DIAPH3: variants seen among roughly 807,000 people sequenced by gnomAD.
DIAPH3 encodes the protein protein diaphanous homolog 3.
In DIAPH3, 117 loss-of-function variants were observed where a neutral mutation model predicts 144.3. The observed-to-expected ratio is 0.81, with a 90% confidence interval of 0.70 to 0.95. DIAPH3 has a LOEUF of 0.95. DIAPH3 is among the 40% of genes least tolerant of loss of function. DIAPH3 has a pLI of 0.00. For missense variants in DIAPH3, 1,421 were observed against 1,412.7 expected, an observed-to-expected ratio of 1.01 and a Z score of -0.09; for synonymous variants, 519 against 488.9, an observed-to-expected ratio of 1.06 and a Z score of -0.81.
intron 25 of DIAPH3, among the ~76,000 whole-genome samples, chr13:59,805,696 G>A (rs1593495770): frequency 6.6e-6 from 1 of 151,820 alleles, no homozygotes; most frequent in South Asian, 2.1e-4. Flanking sequence ...AAAAAAAAAT[G>A]AGAAAACAAA....
At chr13:60,151,926 A>G (rs1231386127) in intron 1 of DIAPH3, among the ~76,000 whole-genome samples, 1 of 152,194 alleles carries the variant, frequency 6.6e-6, no homozygotes, top group East Asian at 1.9e-4. Flanking sequence ...AAAGAATTGT[A>G]ATTGTCATTA....
chr13:59,877,851 G>C (rs569758189), intron 21 of DIAPH3, among the ~76,000 whole-genome samples: 1 of 151,844 alleles, frequency 6.6e-6, no homozygotes, highest in Non-Finnish European at 1.5e-5. Context: ...AACCCTTTTG[G>C]AAGCTGCTGA....
At chr13:59,767,498 T>A (rs949198117) in intron 27 of DIAPH3, among the ~76,000 whole-genome samples, 24 of 151,952 alleles carry the variant, frequency 1.6e-4, no homozygotes, top group African/African-American at 5.6e-4. Context: ...TTTTTTTTTT[T>A]AAGTCCAAAC....
chr13:59,800,923 G>A (rs531902692), intron 25 of DIAPH3, among the ~76,000 whole-genome samples: 28 of 152,066 alleles, frequency 1.8e-4, no homozygotes, highest in Non-Finnish European at 2.6e-4. Flanking sequence ...TATCCCATGC[G>A]TTCAAGAAAT....
intron 3 of DIAPH3, among the ~76,000 whole-genome samples, chr13:60,102,648 G>A (rs1161897950): frequency 3.3e-5 from 5 of 152,174 alleles, no homozygotes; most frequent in African/African-American, 4.8e-5. Context: ...CAACTCTGGA[G>A]GTAGAAATCT....
intron 5 of DIAPH3, among the ~76,000 whole-genome samples, chr13:60,027,222 C>T (rs541130506): frequency 1.3e-5 from 2 of 152,182 alleles, no homozygotes; most frequent in Non-Finnish European, 2.9e-5. Flanking sequence ...AAACATACAC[C>T]TACATGCCAT....
chr13:60,089,800 G>A (rs777414664), intron 4 of DIAPH3, among the ~76,000 whole-genome samples: 1 of 152,172 alleles, frequency 6.6e-6, no homozygotes, highest in African/African-American at 2.4e-5. Flanking sequence ...TCTATGCTAT[G>A]AGTGAGCCCA....
chr13:59,899,445 T>A (rs910059227), intron 20 of DIAPH3, among the ~76,000 whole-genome samples: 3 of 152,198 alleles, frequency 2.0e-5, no homozygotes, highest in African/African-American at 7.2e-5. Context: ...AACAAGCCAT[T>A]TGAATAACTG....
At chr13:60,051,358 G>A (rs937007175) in intron 4 of DIAPH3, among the ~76,000 whole-genome samples, 2 of 152,122 alleles carry the variant, frequency 1.3e-5, no homozygotes, top group Non-Finnish European at 2.9e-5. Context: ...GGTGGCTCAC[G>A]CCTGTAATCC....
chr13:59,737,932 C>T (rs528613883), intron 27 of DIAPH3, among the ~76,000 whole-genome samples: 59 of 152,092 alleles, frequency 3.9e-4, no homozygotes, highest in Non-Finnish European at 7.1e-4. Flanking sequence ...TTTGGGAGGC[C>T]GAGGTGGGTG....
intron 24 of DIAPH3, among the ~76,000 whole-genome samples, chr13:59,823,939 A>C (rs1413357465): frequency 6.6e-6 from 1 of 152,226 alleles, no homozygotes; most frequent in African/African-American, 2.4e-5. Context: ...CAGATGCAGC[A>C]AGATTAACTG....
At chr13:59,767,640 G>A (rs1208236755) in intron 27 of DIAPH3, among the ~76,000 whole-genome samples, 1 of 151,986 alleles carries the variant, frequency 6.6e-6, no homozygotes, top group African/African-American at 2.4e-5. Context: ...GATTTAAAAA[G>A]ATCATAATAA....
intron 24 of DIAPH3, among the ~76,000 whole-genome samples, chr13:59,819,961 G>T (rs779324961): frequency 2.0e-5 from 3 of 151,742 alleles, no homozygotes; most frequent in Admixed American, 6.6e-5. Context: ...AGAAATAAAT[G>T]AAATAATGCA....
intron 17 of DIAPH3, among the ~76,000 whole-genome samples, chr13:59,947,276 G>C (rs1231796088): frequency 6.6e-6 from 1 of 152,152 alleles, no homozygotes; most frequent in Non-Finnish European, 1.5e-5. Flanking sequence ...ATTAGTAAAA[G>C]AGTCACATGT....
chr13:59,865,835 T>C (rs1363098352), intron 21 of DIAPH3, among the ~76,000 whole-genome samples: 1 of 151,952 alleles, frequency 6.6e-6, no homozygotes, highest in Non-Finnish European at 1.5e-5. Flanking sequence ...TGGTAATAAT[T>C]TAAATTTAAA....
intron 9 of DIAPH3, among the ~76,000 whole-genome samples, chr13:60,004,152 A>T (rs184174880): frequency 6.6e-6 from 1 of 152,346 alleles, no homozygotes; most frequent in African/African-American, 2.4e-5. Flanking sequence ...AAAAGTAAAC[A>T]ATTGGTTCCT....
At chr13:60,027,571 G>C (rs1417712492) in intron 5 of DIAPH3, among the ~76,000 whole-genome samples, 4 of 151,836 alleles carry the variant, frequency 2.6e-5, no homozygotes, top group Non-Finnish European at 5.9e-5. Context: ...AAAAAACAAA[G>C]CACAAGAAAC....
At chr13:60,137,903 T>C (rs965759501) in intron 1 of DIAPH3, among the ~76,000 whole-genome samples, 1 of 152,026 alleles carries the variant, frequency 6.6e-6, no homozygotes, top group African/African-American at 2.4e-5. Flanking sequence ...TTTGTATTTT[T>C]AGTGGAGACA....
chr13:59,796,177 G>A (rs557962886), intron 25 of DIAPH3, among the ~76,000 whole-genome samples: 11 of 152,286 alleles, frequency 7.2e-5, no homozygotes, highest in South Asian at 2.1e-4. Flanking sequence ...CTTATGGGGC[G>A]TAAATGGTGG....
Sources: gnomAD v4.1 joint callset for allele counts (sites outside exome capture counted in the v4.1 genomes callset) on GRCh38, gnomAD v4.1.1 for gene constraint, MANE v1.5 for transcripts, NCBI Gene and HGNC (gene_info 2026-07-23, HGNC 2026-07-21) for gene names.